NR1H4: variants seen among roughly 807,000 people sequenced by gnomAD.
The protein encoded by NR1H4 is nuclear receptor subfamily 1 group H member 4.
A neutral mutation model predicts 58.5 loss-of-function variants in NR1H4; 23 were observed. The observed-to-expected ratio is 0.39, with a 90% CI of 0.28 to 0.56. The LOEUF is 0.56. NR1H4 is among the 20% of genes least tolerant of loss of function. The pLI, the probability that NR1H4 is intolerant of heterozygous loss-of-function variation, is 0.58. For synonymous variants in NR1H4, 214 were observed against 198.0 expected (o/e 1.08, Z -0.68); for missense variants, 487 against 576.9 (o/e 0.84, Z 1.60).
At position 100,530,848 on chromosome 12, in the gene NR1H4, G is replaced by A. The variant is rs989962625; in HGVS notation, c.446-1610G>A. ...AGCCCAATGAAAGAGTCTTCAAGAC[G>A]ATCACTTGAGTAGGTTGACATGTAT... is the stretch of plus-strand genomic sequence containing the variant. On this transcript the variant is annotated intron_variant, in intron 4 of 10. Coordinates refer to ENST00000392986, the MANE Select transcript of NR1H4 (RefSeq NM_001206979.2). Among the ~76,000 whole-genome samples the A allele has an allele frequency of 3.9e-5, 6 of 152,154 alleles. No individual in the cohort carries two copies. The South Asian group carries it at 6.2e-4, about 16-fold the overall frequency.
intron 3 of NR1H4, chr12:100,505,802 C>G: frequency 2.0e-6 from 1 of 505,418 alleles, no homozygotes; most frequent in Non-Finnish European, 3.5e-6. Context: ...AAATTAAAGT[C>G]GAACTACCTC....
chr12:100,536,636 G>T, intron 7 of NR1H4, 26 bp downstream of exon 7: 1 of 1,268,574 alleles, frequency 7.9e-7, no homozygotes, highest in South Asian at 1.2e-5. Flanking sequence ...GAAAATATGT[G>T]GGTTTAAAGT....
intron 1 of NR1H4, among the ~76,000 whole-genome samples, chr12:100,475,161 A>T (rs934038188): frequency 1.8e-4 from 21 of 113,666 alleles, no homozygotes; most frequent in African/African-American, 5.4e-4. Flanking sequence ...ATCTATCTAA[A>T]TTTTTTTTTC....
chr12:100,525,551 A>C (rs1372099276), intron 4 of NR1H4: 2 of 152,198 alleles, frequency 1.3e-5, no homozygotes, highest in African/African-American at 2.4e-5. Flanking sequence ...AAAAATAAAC[A>C]AAAACAAATG....
intron 3 of NR1H4, among the ~76,000 whole-genome samples, chr12:100,498,896 G>A (rs1160156417): frequency 1.3e-5 from 2 of 151,956 alleles, no homozygotes; most frequent in Non-Finnish European, 2.9e-5. Flanking sequence ...TCACTTAGCT[G>A]TGTATGCCCA....
chr12:100,480,505 T>C (rs1953355655), intron 1 of NR1H4, among the ~76,000 whole-genome samples: 1 of 152,196 alleles, frequency 6.6e-6, no homozygotes, highest in South Asian at 2.1e-4. Context: ...GATTGTTTCA[T>C]GATTATAAAC....
At chr12:100,484,317 T>G (rs767990301) in intron 1 of NR1H4, among the ~76,000 whole-genome samples, 2 of 152,170 alleles carry the variant, frequency 1.3e-5, no homozygotes, top group Admixed American at 6.5e-5. Context: ...GGTCTCCGAT[T>G]GCAAATGGTT....
intron 9 of NR1H4, among the ~76,000 whole-genome samples, chr12:100,559,523 G>A (rs1955413355): frequency 1.3e-5 from 2 of 152,182 alleles, no homozygotes; most frequent in Admixed American, 6.5e-5. Context: ...CTTAGCACCC[G>A]GGCCAGTGGC....
At chr12:100,534,082 G>A (rs1018904012) in intron 5 of NR1H4, among the ~76,000 whole-genome samples, 1 of 151,760 alleles carries the variant, frequency 6.6e-6, no homozygotes, top group African/African-American at 2.4e-5. Context: ...ATTTTTAGTA[G>A]AGACGGGGTT....
intron 4 of NR1H4, among the ~76,000 whole-genome samples, chr12:100,512,147 CA>C (rs1350769986): frequency 1.3e-5 from 2 of 151,868 alleles, no homozygotes; most frequent in East Asian, 3.9e-4. Context: ...GTGGGAGGAT[CA>C]CCTGAGCCCG....
intron 4 of NR1H4, among the ~76,000 whole-genome samples, chr12:100,516,481 C>G (rs1954268745): frequency 6.6e-6 from 1 of 152,084 alleles, no homozygotes; most frequent in South Asian, 2.1e-4. Flanking sequence ...ATTCTCCTGC[C>G]TCAGCCTCCC....
intron 9 of NR1H4, among the ~76,000 whole-genome samples, chr12:100,545,486 A>T (rs112236038): frequency 6.6e-6 from 1 of 151,400 alleles, no homozygotes; most frequent in Admixed American, 6.6e-5. Context: ...CAAAAAAGTT[A>T]AAAAAATTAG....
At chr12:100,558,442 T>A (rs961071218) in intron 9 of NR1H4, among the ~76,000 whole-genome samples, 2 of 147,034 alleles carry the variant, frequency 1.4e-5, no homozygotes, top group Non-Finnish European at 3.0e-5. Context: ...TACTGCAGCC[T>A]CAACCTCCAG....
At chr12:100,484,137 T>C (rs1258193457) in intron 1 of NR1H4, among the ~76,000 whole-genome samples, 1 of 152,210 alleles carries the variant, frequency 6.6e-6, no homozygotes, top group South Asian at 2.1e-4. Flanking sequence ...AGTGTATACT[T>C]TCTATCAACA....
chr12:100,531,843 TTTA>T (rs1271146130), intron 4 of NR1H4, among the ~76,000 whole-genome samples: 1 of 152,156 alleles, frequency 6.6e-6, no homozygotes, highest in African/African-American at 2.4e-5. Context: ...GGTTGGCATT[TTTA>T]TTATTATGCC....
intron 3 of NR1H4, among the ~76,000 whole-genome samples, chr12:100,500,353 A>T (rs7960927): frequency 0.16 from 24,079 of 152,092 alleles, 4,002 homozygotes; most frequent in East Asian, 0.45. Context: ...ACTCAGCGTG[A>T]GAGGTACAAC....
chr12:100,539,128 T>C (rs1954879802), intron 8 of NR1H4, among the ~76,000 whole-genome samples: 1 of 152,208 alleles, frequency 6.6e-6, no homozygotes, highest in Admixed American at 6.5e-5. Flanking sequence ...TTGGCATCTC[T>C]TAATTCCCAG....
intron 4 of NR1H4, among the ~76,000 whole-genome samples, chr12:100,516,495 T>C (rs1566449671): frequency 6.6e-6 from 1 of 151,894 alleles, no homozygotes; most frequent in Non-Finnish European, 1.5e-5. Context: ...GCCTCCCGAG[T>C]AGCTGGGACT....
rs945811750 is a variant in NR1H4, at chr12:100,474,053, A to T, written c.-196A>T. On this transcript the variant is annotated 5_prime_UTR_variant, in exon 1 of 11. Coordinates refer to ENST00000392986, the MANE Select transcript of NR1H4 (RefSeq NM_001206979.2). ...TGAAAGTCCATCTCTGACCCAAAAC[A>T]ATCCAAGTAAGTACCTAATTCCTTT... 1.3e-5 allele frequency: 2 copies of T among 152,170 alleles called. No individual in the cohort carries two copies. The highest frequency in any genetic ancestry group is 4.8e-5 in the African/African-American group (2 of 41,434). 9.4% of individuals were successfully genotyped at this position (152,170 alleles called of 1,614,324 possible).
Sources: gnomAD v4.1 joint callset for allele counts (sites outside exome capture counted in the v4.1 genomes callset) on GRCh38, gnomAD v4.1.1 for gene constraint, MANE v1.5 for transcripts, NCBI Gene and HGNC (gene_info 2026-07-23, HGNC 2026-07-21) for gene names.